SHANK2: variants seen among roughly 807,000 people sequenced by gnomAD.
SHANK2 encodes SH3 and multiple ankyrin repeat domains 2.
Under a neutral mutation model 133.7 loss-of-function variants are expected in SHANK2, and 43 were observed. The ratio of observed to expected loss-of-function variants is 0.32; its 90% CI spans 0.25 to 0.41. The LOEUF is 0.41. Among genes scored for constraint, SHANK2 ranks in the 10% least tolerant of loss-of-function variants. The pLI, the probability that SHANK2 is intolerant of heterozygous loss-of-function variation, is 1.00. For synonymous variants in SHANK2, 1,017 were observed against 952.8 expected (o/e 1.07, Z -1.24); for missense variants, 1,994 against 2,235.8 (o/e 0.89, Z 2.18).
At chr11:70,826,737 G>C (rs976574727) in intron 11 of SHANK2, 2 of 317,130 alleles carry the variant, frequency 6.3e-6, no homozygotes, top group South Asian at 2.6e-5. Context: ...GCACGTAGAC[G>C]GGCTGCTCTC....
At chr11:71,128,005 C>G (rs1193769350) in intron 3 of SHANK2, among the ~76,000 whole-genome samples, 1 of 152,200 alleles carries the variant, frequency 6.6e-6, no homozygotes, top group Non-Finnish European at 1.5e-5. Context: ...CCACCGGGGC[C>G]GAGGTCTCAC....
intron 10 of SHANK2, among the ~76,000 whole-genome samples, chr11:70,925,109 T>C (rs1950408915): frequency 6.6e-6 from 1 of 152,170 alleles, no homozygotes; most frequent in Admixed American, 6.5e-5. Context: ...GGGGAGTATG[T>C]GTGGGGGTTT....
rs78519521 is a variant in SHANK2 at position 71,215,938 on chromosome 11, C to T, written c.-13+8759G>A. 2.6e-3 allele frequency among the ~76,000 whole-genome samples: 394 copies of T among 152,266 alleles called. 2 individuals are homozygous for T. The highest frequency in any genetic ancestry group is 9.0e-3 in the African/African-American group (375 of 41,550). ...ACAATGAGACAGCGCCTCCCCCACC[C>T]TCCAGGATGAAGATAACCAAGAAGA... On this transcript the variant is annotated intron_variant, in intron 2 of 25. Coordinates refer to ENST00000601538, the MANE Select transcript of SHANK2 (RefSeq NM_012309.5).
intron 10 of SHANK2, among the ~76,000 whole-genome samples, chr11:70,942,119 G>A (rs1220356720): frequency 6.6e-6 from 1 of 152,072 alleles, no homozygotes; most frequent in Non-Finnish European, 1.5e-5. Context: ...CCCAGGAGGC[G>A]GAGGTTGCGG....
At chr11:71,167,754 C>T (rs7936864) in intron 2 of SHANK2, among the ~76,000 whole-genome samples, 22,633 of 121,336 alleles carry the variant, frequency 0.19, 2,595 homozygotes, top group African/African-American at 0.26. Context: ...CGGGCAGAGG[C>T]GTCCCTCACC....
intron 17 of SHANK2, among the ~76,000 whole-genome samples, chr11:70,586,398 T>C (rs1350773939): frequency 6.6e-6 from 1 of 152,006 alleles, no homozygotes; most frequent in South Asian, 2.1e-4. Flanking sequence ...CAGGTGCGAA[T>C]GAGGGAGGTT....
At chr11:70,515,534 G>A (rs186329858) in intron 17 of SHANK2, among the ~76,000 whole-genome samples, 154 of 149,562 alleles carry the variant, frequency 1.0e-3, no homozygotes, top group African/African-American at 3.6e-3. Flanking sequence ...CGGAGCGGTG[G>A]CTCATGTCTA....
At chr11:70,813,561 G>A (rs1235541638) in intron 12 of SHANK2, among the ~76,000 whole-genome samples, 1 of 152,058 alleles carries the variant, frequency 6.6e-6, no homozygotes, top group Non-Finnish European at 1.5e-5. Context: ...TACTCAAGGT[G>A]GGTAGGTGGG....
intron 17 of SHANK2, among the ~76,000 whole-genome samples, chr11:70,539,026 C>T (rs549688051): frequency 1.3e-5 from 2 of 152,364 alleles, no homozygotes; most frequent in East Asian, 1.9e-4. Context: ...CTCTGCCTCT[C>T]GCTCGGGGCC....
At chr11:71,239,804 G>A (rs933442435) in intron 1 of SHANK2, among the ~76,000 whole-genome samples, 3 of 152,164 alleles carry the variant, frequency 2.0e-5, no homozygotes, top group South Asian at 2.1e-4. Context: ...TACATGTGGA[G>A]TGTCCTGCAG....
intron 11 of SHANK2, among the ~76,000 whole-genome samples, chr11:70,840,341 G>A (rs528530215): frequency 6.6e-6 from 1 of 152,346 alleles, no homozygotes; most frequent in African/African-American, 2.4e-5. Context: ...ACCCACCTGC[G>A]TGTTCTGGGT....
At chr11:70,894,360 G>A (rs1949900651) in intron 11 of SHANK2, among the ~76,000 whole-genome samples, 1 of 152,098 alleles carries the variant, frequency 6.6e-6, no homozygotes, top group Admixed American at 6.5e-5. Flanking sequence ...GCTAATTTTT[G>A]TATTTTTAGT....
At chr11:70,615,300 T>C (rs2060723471) in intron 17 of SHANK2, among the ~76,000 whole-genome samples, 2 of 152,150 alleles carry the variant, frequency 1.3e-5, no homozygotes, top group South Asian at 4.1e-4. Flanking sequence ...GGGACTGTCC[T>C]CTAGGTGGCC....
At chr11:70,558,124 G>A (rs1554980018) in intron 17 of SHANK2, among the ~76,000 whole-genome samples, 2 of 152,188 alleles carry the variant, frequency 1.3e-5, no homozygotes, top group Non-Finnish European at 2.9e-5. Flanking sequence ...GCCCACCAAG[G>A]AGGCCTGGGT....
chr11:70,701,117 G>A (rs1945508602), intron 14 of SHANK2, among the ~76,000 whole-genome samples: 1 of 152,186 alleles, frequency 6.6e-6, no homozygotes, highest in Non-Finnish European at 1.5e-5. Flanking sequence ...GGAGGCCGGG[G>A]CCAGAAGCAG....
intron 14 of SHANK2, among the ~76,000 whole-genome samples, chr11:70,752,071 G>A (rs1220859295): frequency 1.3e-5 from 2 of 152,040 alleles, no homozygotes; most frequent in African/African-American, 2.4e-5. Context: ...AAATAAAATA[G>A]ATTACCAGAT....
At chr11:70,583,890 G>A (rs1207065486) in intron 17 of SHANK2, among the ~76,000 whole-genome samples, 2 of 152,146 alleles carry the variant, frequency 1.3e-5, no homozygotes, top group Non-Finnish European at 2.9e-5. Context: ...AGGTTCCCAC[G>A]GCCTGGCCCA....
At chr11:70,514,082 T>C (rs1186344432) in intron 17 of SHANK2, among the ~76,000 whole-genome samples, 1 of 152,218 alleles carries the variant, frequency 6.6e-6, no homozygotes, top group South Asian at 2.1e-4. Flanking sequence ...TTATAGTCAA[T>C]TCTGCTCAAA....
intron 6 of SHANK2, among the ~76,000 whole-genome samples, chr11:71,108,569 G>A (rs782720012): frequency 1.1e-4 from 16 of 152,096 alleles, no homozygotes; most frequent in South Asian, 2.1e-4. Context: ...CCAGGCCACC[G>A]GCTGAGACTG....
Sources: gnomAD v4.1 joint callset for allele counts (sites outside exome capture counted in the v4.1 genomes callset) on GRCh38, gnomAD v4.1.1 for gene constraint, MANE v1.5 for transcripts, NCBI Gene and HGNC (gene_info 2026-07-23, HGNC 2026-07-21) for gene names.